ABHD17C: variants seen among roughly 807,000 people sequenced by gnomAD.
The protein encoded by ABHD17C is abhydrolase domain containing 17C, depalmitoylase, also known as alpha/beta hydrolase domain-containing protein 17C.
In ABHD17C, 11 loss-of-function variants were observed where a neutral mutation model predicts 27.9. That is an observed-to-expected ratio of 0.39 (90% CI 0.25 to 0.65). ABHD17C has a LOEUF of 0.65. Ranked by LOEUF, ABHD17C falls within the 30% of genes least tolerant of loss-of-function variation. The pLI is 0.45. For synonymous variants in ABHD17C, 233 were observed against 209.1 expected, an observed-to-expected ratio of 1.11 and a Z score of -0.98; for missense variants, 280 against 470.2, an observed-to-expected ratio of 0.60 and a Z score of 3.74.
intron 1 of ABHD17C, among the ~76,000 whole-genome samples, chr15:80,723,957 C>CT (rs1286581445): frequency 6.6e-6 from 1 of 152,142 alleles, no homozygotes; most frequent in Non-Finnish European, 1.5e-5. Flanking sequence ...AATTCCAGCA[C>CT]TTTGGGAGGC....
chr15:80,723,224 G>A (rs144614874), intron 1 of ABHD17C, among the ~76,000 whole-genome samples: 2 of 151,982 alleles, frequency 1.3e-5, no homozygotes, highest in East Asian at 3.9e-4. Context: ...TTATAAACCT[G>A]TGTTTTTCAT....
chr15:80,695,357 G>C lies in ABHD17C; in HGVS notation c.-73G>C. The stretch of plus-strand genomic sequence containing the variant: ...TCGCCTGCCAGCTCCCTCGCCGCGC[G>C]TCCGTCCTCCGTCCTCCCGGGCCAG... On this transcript the variant is annotated 5_prime_UTR_variant, in exon 1 of 3. Transcript: ENST00000258884. The surrounding 1 kb of genome is among the most constrained non-coding windows in gnomAD (Gnocchi z 4.3). The C allele has an allele frequency of 9.7e-7, 1 of 1,034,160 alleles. No homozygotes were observed. Among genetic ancestry groups the C allele is most frequent in the African/African-American group, 1.7e-5 (1 of 58,100 alleles). The allele number at this position is 1,034,160 out of a possible 1,614,324, so 64.1% of individuals were successfully genotyped here.
intron 1 of ABHD17C, among the ~76,000 whole-genome samples, chr15:80,713,354 C>CTTTTTGTTTTTTTTTTTTTTTTTT (rs1894753424): frequency 2.3e-5 from 1 of 43,854 alleles, no homozygotes; most frequent in African/African-American, 9.9e-5. Context: ...AGGTCTTGTT[C>CTTTTTGTTTTTTTTTTTTTTTTTT]TTTTTTTTTT....
intron 1 of ABHD17C, among the ~76,000 whole-genome samples, chr15:80,701,129 A>G (rs1235079196): frequency 1.3e-5 from 2 of 152,194 alleles, no homozygotes; most frequent in East Asian, 1.9e-4. Flanking sequence ...TGGAAAATCC[A>G]TGTCACAGCA....
chr15:80,695,435 C>G lies in ABHD17C; in HGVS notation c.6C>G (p.Pro2=). ...GCGGGCACCAGGCCGTCCCGATGCC[C>G]GAGCCAGGCCCCAGGATGAACGGCT... M[P]EPGPRMNGFS... Residue 2 remains proline (P), a synonymous_variant, in exon 1 of 3, where the codon CCC becomes CCG. Transcript: ENST00000258884. This position sits in a 1 kb window ranked among gnomAD's most constrained non-coding sequence, Gnocchi z 4.3. 1 of 1,331,988 alleles carries G rather than the reference C, an allele frequency of 7.5e-7. No individual in the cohort carries two copies. The highest frequency in any genetic ancestry group is 9.8e-7 in the Non-Finnish European group (1 of 1,025,570). The allele number at this position is 1,331,988 out of a possible 1,614,324, so 82.5% of individuals were successfully genotyped here. A position where few individuals can be genotyped will look rare whatever the true frequency, so the allele number is the denominator to read the frequency against.
chr15:80,713,684 CTGTAA>C (rs1396356926), intron 1 of ABHD17C, among the ~76,000 whole-genome samples: 2 of 151,944 alleles, frequency 1.3e-5, no homozygotes, highest in African/African-American at 4.8e-5. Flanking sequence ...TGGCAGGCGC[CTGTAA>C]TCCCAACTAC....
rs1218747668 is a variant in ABHD17C at position 80,749,504 on chromosome 15, T to C, written c.591-9T>C. The C allele has an allele frequency of 6.2e-7, 1 of 1,612,640 alleles. No individual in the cohort carries two copies. The highest frequency in any genetic ancestry group is 1.3e-5 in the African/African-American group (1 of 75,002). On this transcript the variant is annotated splice_polypyrimidine_tract_variant and intron_variant, in intron 1 of 2. Transcript: ENST00000258884. ...TTAGCTAATGGCATACAACCTCTGA[T>C]TTCTCCAGGTATGGCGTGAGTCCCG...
chr15:80,749,263 T>G (rs184018422), intron 1 of ABHD17C, among the ~76,000 whole-genome samples: 16 of 152,184 alleles, frequency 1.1e-4, no homozygotes, highest in African/African-American at 3.6e-4. Context: ...GCCAGAAAAA[T>G]AATATCATGT....
chr15:80,735,496 CT>C lies in ABHD17C; in HGVS notation c.591-14016del, dbSNP rs1470856883. ...TCCCATTGCCACTCTCACCACCCAC[CT>C]CCACCTTGTCGGATCTTGTGTGCGT... On this transcript the variant is annotated intron_variant, in intron 1 of 2. Transcript: ENST00000258884. Among the ~76,000 whole-genome samples the C allele has an allele frequency of 4.6e-5, 7 of 152,264 alleles. No individual in the cohort carries two copies. The South Asian group carries it at 1.2e-3, about 27-fold the overall frequency.
At chr15:80,719,589 G>T (rs893614145) in intron 1 of ABHD17C, among the ~76,000 whole-genome samples, 1 of 152,130 alleles carries the variant, frequency 6.6e-6, no homozygotes, top group Non-Finnish European at 1.5e-5. Flanking sequence ...ATTACTATGG[G>T]GATATGTGTT....
At chr15:80,747,800 T>A (rs1382255898) in intron 1 of ABHD17C, among the ~76,000 whole-genome samples, 2 of 152,156 alleles carry the variant, frequency 1.3e-5, no homozygotes, top group Non-Finnish European at 2.9e-5. Flanking sequence ...GTTTTTGTTA[T>A]AATCTTTTAT....
At chr15:80,704,581 A>G (rs1284080409) in intron 1 of ABHD17C, 1 of 151,848 alleles carries the variant, frequency 6.6e-6, no homozygotes, top group Non-Finnish European at 1.5e-5. Flanking sequence ...AAAGAAAAGA[A>G]AAGAAATGCA....
chr15:80,695,605 C>CGGCCCA lies in ABHD17C; in HGVS notation c.180_185dup (p.Gln61_Ala62dup). ...GGCGCCGGCGCGTCCGCCCCGGCCC[C>CGGCCCA]GGCCCAGGCTACCGCCGCCGCCGCC... On this transcript the variant is annotated inframe_insertion, in exon 1 of 3. Coordinates refer to ENST00000258884, the MANE Select transcript of ABHD17C (RefSeq NM_021214.2). The surrounding 1 kb of genome is among the most constrained non-coding windows in gnomAD (Gnocchi z 4.3). 1 of 1,142,428 alleles carries CGGCCCA rather than the reference C, an allele frequency of 8.8e-7. No individual in the cohort carries two copies. Among genetic ancestry groups the CGGCCCA allele is most frequent in the South Asian group, 4.1e-5 (1 of 24,116 alleles). The allele number at this position is 1,142,428 out of a possible 1,614,324, so 70.8% of individuals were successfully genotyped here. A position where few individuals can be genotyped will look rare whatever the true frequency, so the allele number is the denominator to read the frequency against.
At chr15:80,742,746 A>G (rs1467791562) in intron 1 of ABHD17C, among the ~76,000 whole-genome samples, 4 of 152,130 alleles carry the variant, frequency 2.6e-5, no homozygotes, top group Non-Finnish European at 5.9e-5. Context: ...GAGCTTGGGG[A>G]AGATGAGCCA....
chr15:80,722,751 A>T (rs997953219), intron 1 of ABHD17C, among the ~76,000 whole-genome samples: 1 of 152,182 alleles, frequency 6.6e-6, no homozygotes, highest in African/African-American at 2.4e-5. Context: ...GGCAACCACC[A>T]TTCTACTCTG....
chr15:80,721,759 G>T (rs915083785), intron 1 of ABHD17C, among the ~76,000 whole-genome samples: 1 of 152,118 alleles, frequency 6.6e-6, no homozygotes, highest in Admixed American at 6.5e-5. Context: ...GGCCTCTCCC[G>T]CAAGAGGAAA....
Position 80,754,394 on chromosome 15 carries a change from A to C in ABHD17C, c.*24A>C. On this transcript the variant is annotated 3_prime_UTR_variant, in exon 3 of 3. Transcript: ENST00000258884. ...GAAGACAACAACTTGATCTTACCTCATTTACTGTGAACAGAAGAGTCCTCT... is the reference window on the plus strand; with the variant it reads ...GAAGACAACAACTTGATCTTACCTCCTTTACTGTGAACAGAAGAGTCCTCT... The C allele has an allele frequency of 6.0e-5, 95 of 1,583,094 alleles. No individual in the cohort carries two copies. The highest frequency in any genetic ancestry group is 7.8e-5 in the Non-Finnish European group (90 of 1,158,250).
chr15:80,745,764 G>T (rs1435982676), intron 1 of ABHD17C, among the ~76,000 whole-genome samples: 2 of 152,126 alleles, frequency 1.3e-5, no homozygotes, highest in East Asian at 3.8e-4. Flanking sequence ...AAAACCGCCT[G>T]TACCCCCAAA....
At position 80,728,897 on chromosome 15, in the gene ABHD17C, C is replaced by T. The variant is rs192043099; in HGVS notation, c.591-20616C>T. Among the ~76,000 whole-genome samples, 76 of 152,282 alleles carry T rather than the reference C, an allele frequency of 5.0e-4. 1 individual carries two copies. Among genetic ancestry groups the T allele is most frequent in the Admixed American group, 4.1e-3 (62 of 15,292 alleles). On this transcript the variant is annotated intron_variant, in intron 1 of 2. Coordinates refer to ENST00000258884, the MANE Select transcript of ABHD17C (RefSeq NM_021214.2). ...AAGTGCTGGGATTACAGGAATGAGC[C>T]ACCACGCCCGGCCTAAAGCACAGAT... is the stretch of plus-strand genomic sequence containing the variant.
Sources: allele counts gnomAD v4.1 joint callset (sites outside exome capture counted in the v4.1 genomes callset), GRCh38; gene constraint gnomAD v4.1.1; non-coding constraint Gnocchi (gnomAD v3.1); transcripts MANE v1.5; gene names NCBI Gene and HGNC (gene_info 2026-07-23, HGNC 2026-07-21).